The following TIFAB variants were observed in gnomAD, a reference collection of about 807,000 sequenced individuals.
TIFAB encodes TIFA inhibitor.
For synonymous variants in TIFAB, 116 were observed against 95.2 expected (o/e 1.22, Z -1.27); for missense variants, 222 against 203.6 (o/e 1.09, Z -0.55).
chr5:135,446,367 C>T lies in TIFAB; in HGVS notation c.*3087G>A, dbSNP rs761536447. 1.9e-6 allele frequency: 3 copies of T among 1,591,566 alleles called. No homozygotes were observed. The highest frequency in any genetic ancestry group is 1.3e-5 in the African/African-American group (1 of 74,478). On this transcript the variant is annotated 3_prime_UTR_variant, in exon 2 of 2. Transcript: ENST00000537858. ...GCATACTTGCGTGTGTGCACACGCA[C>T]ACATGTTCACTCAGGCACGTGGGCT...
In TIFAB at chr5:135,450,134, C is replaced by G. The variant is rs933765381; in HGVS notation, c.-10-185G>C. Among the ~76,000 whole-genome samples the G allele has an allele frequency of 2.6e-5, 4 of 152,240 alleles. No individual in the cohort carries two copies. In the South Asian group the frequency reaches 6.2e-4, roughly 24 times the overall value. ...GGTCATGAGCTTAGTCTCTCTCATA[C>G]TCTGAATAGAACATGCCACCCACTC... is the stretch of plus-strand genomic sequence containing the variant. On this transcript the variant is annotated intron_variant, in intron 1 of 1. Transcript: ENST00000537858.
Position 135,446,752 on chromosome 5 carries a change from C to T in TIFAB, c.*2702G>A. On this transcript the variant is annotated 3_prime_UTR_variant, in exon 2 of 2. Transcript: ENST00000537858. ...CTCCCTCCCGCCTGGTCTGGCCTGT[C>T]TTCCTTCTGCTGCTATGCAGTTCAT... 6.2e-7 allele frequency: 1 copy of T among 1,613,994 alleles called. No homozygotes were observed. The highest frequency in any genetic ancestry group is 8.5e-7 in the Non-Finnish European group (1 of 1,179,870).
Position 135,446,945 on chromosome 5 carries a change from G to C in TIFAB, c.*2509C>G. On this transcript the variant is annotated 3_prime_UTR_variant, in exon 2 of 2. Transcript: ENST00000537858. ...GAGGCCCTGGAGAGGGGCACTCAGG[G>C]GCAGCAGCTCATTCCCAAAGTTCTC... is the stretch of plus-strand genomic sequence containing the variant. 1 of 1,612,854 alleles carries C rather than the reference G, an allele frequency of 6.2e-7. No individual in the cohort carries two copies. The highest frequency in any genetic ancestry group is 8.5e-7 in the Non-Finnish European group (1 of 1,179,368).
At position 135,449,104 on chromosome 5, in the gene TIFAB, C is replaced by A; in HGVS notation, c.*350G>T. 1 of 270,438 alleles carries A rather than the reference C, an allele frequency of 3.7e-6. No homozygotes were observed. Among genetic ancestry groups the A allele is most frequent in the Admixed American group, 4.7e-5 (1 of 21,426 alleles). 16.8% of individuals were successfully genotyped at this position (270,438 alleles called of 1,614,324 possible). ...TGTGGAAATGCTGAGAGAGGCTCCC[C>A]AGAACCCCTCAGGGCCTCTAAAAGT... is the stretch of plus-strand genomic sequence containing the variant. On this transcript the variant is annotated 3_prime_UTR_variant, in exon 2 of 2. Transcript: ENST00000537858.
In TIFAB at chr5:135,448,914, C is replaced by T. The variant is rs138878169; in HGVS notation, c.*540G>A. ...ATTACACTCAGGCTTTCCTAAGCCC[C>T]GCGTGCCTGTGGGTATTTGAAAGCT... is the stretch of plus-strand genomic sequence containing the variant. On this transcript the variant is annotated 3_prime_UTR_variant, in exon 2 of 2. Coordinates refer to ENST00000537858, the MANE Select transcript of TIFAB (RefSeq NM_001099221.2). 8.7e-5 allele frequency: 14 copies of T among 160,996 alleles called. No homozygotes were observed. Among genetic ancestry groups the T allele is most frequent in the Middle Eastern group, 3.4e-3 (1 of 296 alleles). 10.0% of individuals were successfully genotyped at this position (160,996 alleles called of 1,614,324 possible).
At position 135,448,894 on chromosome 5, in the gene TIFAB, A is replaced by T. The variant is rs1769318054; in HGVS notation, c.*560T>A. The T allele has an allele frequency of 6.3e-6, 1 of 159,058 alleles. No homozygotes were observed. Among genetic ancestry groups the T allele is most frequent in the Non-Finnish European group, 1.4e-5 (1 of 71,430 alleles). 9.9% of individuals were successfully genotyped at this position (159,058 alleles called of 1,614,324 possible). ...TAATGAAATACTTGCAGTTTATTAC[A>T]CTCAGGCTTTCCTAAGCCCCGCGTG... is the stretch of plus-strand genomic sequence containing the variant. On this transcript the variant is annotated 3_prime_UTR_variant, in exon 2 of 2. Transcript: ENST00000537858.
rs536502469 is a variant in TIFAB, at chr5:135,446,660, T to C, written c.*2794A>G. The C allele has an allele frequency of 1.2e-6, 2 of 1,613,890 alleles. No individual in the cohort carries two copies. Among genetic ancestry groups the C allele is most frequent in the Non-Finnish European group, 8.5e-7 (1 of 1,179,848 alleles). ...AACTTGGTACAGGGCAAGGTGTGAGTTTCCCGGTGAGACTGTGTGAACTGT... is the reference window on the plus strand; with the variant it reads ...AACTTGGTACAGGGCAAGGTGTGAGCTTCCCGGTGAGACTGTGTGAACTGT... On this transcript the variant is annotated 3_prime_UTR_variant, in exon 2 of 2. Coordinates refer to ENST00000537858, the MANE Select transcript of TIFAB (RefSeq NM_001099221.2).
In TIFAB at chr5:135,449,969, A is replaced by G; in HGVS notation, c.-10-20T>C. The G allele has an allele frequency of 1.3e-6, 2 of 1,514,092 alleles. No homozygotes were observed. The highest frequency in any genetic ancestry group is 1.8e-6 in the Non-Finnish European group (2 of 1,131,424). The allele number at this position is 1,514,092 out of a possible 1,614,324, so 93.8% of individuals were successfully genotyped here. ...GAAGTCCTGGGAAGTTGGAACATGG[A>G]CACACAGGCTCAGCTTCAGTCAGAG... On this transcript the variant is annotated intron_variant, in intron 1 of 1. Transcript: ENST00000537858.
At position 135,444,548 on chromosome 5, in the gene TIFAB, C is replaced by T. The variant is rs750607216; in HGVS notation, c.*4906G>A. On this transcript the variant is annotated 3_prime_UTR_variant, in exon 2 of 2. Transcript: ENST00000537858. ...AAAACAGAGCAGAGCTGGAGAAGTT[C>T]GTACAGTAGATACAGTGGAAGACAG... 4 of 152,410 alleles carry T rather than the reference C, an allele frequency of 2.6e-5. No individual in the cohort carries two copies. Among genetic ancestry groups the T allele is most frequent in the African/African-American group, 9.6e-5 (4 of 41,472 alleles). 9.4% of individuals were successfully genotyped at this position (152,410 alleles called of 1,614,324 possible). A position where few individuals can be genotyped will look rare whatever the true frequency, so the allele number is the denominator to read the frequency against.
intron 1 of TIFAB, among the ~76,000 whole-genome samples, chr5:135,451,194 T>G (rs17168379): frequency 1.4e-5 from 2 of 144,334 alleles, no homozygotes; most frequent in African/African-American, 4.9e-5. Context: ...CACACACACA[T>G]GGTGAAATCA....
In TIFAB at chr5:135,446,130, A is replaced by T; in HGVS notation, c.*3324T>A. On this transcript the variant is annotated 3_prime_UTR_variant, in exon 2 of 2. Coordinates refer to ENST00000537858, the MANE Select transcript of TIFAB (RefSeq NM_001099221.2). ...GTGATGCCTCAAACTGACCTTCACA[A>T]TGACTCTAAGGAGGTAAGTACTGTG... The T allele has an allele frequency of 2.5e-6, 1 of 395,590 alleles. No homozygotes were observed. Among genetic ancestry groups the T allele is most frequent in the Non-Finnish European group, 4.5e-6 (1 of 222,942 alleles). The allele number at this position is 395,590 out of a possible 1,614,324, so 24.5% of individuals were successfully genotyped here.
Position 135,446,626 on chromosome 5 carries a change from T to C in TIFAB, c.*2828A>G. The C allele has an allele frequency of 1.2e-6, 2 of 1,614,056 alleles. No individual in the cohort carries two copies. The highest frequency in any genetic ancestry group is 2.2e-5 in the South Asian group (2 of 91,088). On this transcript the variant is annotated 3_prime_UTR_variant, in exon 2 of 2. Transcript: ENST00000537858. ...AAGTCTCGGATGGGCAGAGCTTAACTGCCTTAAAAACTTGGTACAGGGCAA... is the reference window on the plus strand; with the variant it reads ...AAGTCTCGGATGGGCAGAGCTTAACCGCCTTAAAAACTTGGTACAGGGCAA...
Position 135,447,280 on chromosome 5 carries a change from C to T in TIFAB, c.*2174G>A. 1 of 766,536 alleles carries T rather than the reference C, an allele frequency of 1.3e-6. No homozygotes were observed. Among genetic ancestry groups the T allele is most frequent in the Admixed American group, 2.8e-5 (1 of 35,972 alleles). 47.5% of individuals were successfully genotyped at this position (766,536 alleles called of 1,614,324 possible). A position where few individuals can be genotyped will look rare whatever the true frequency, so the allele number is the denominator to read the frequency against. ...ATTAAAATCCCCTCCCTGTTGCCTA[C>T]CAGGTCCGTGGCTACAACTAAATCC... On this transcript the variant is annotated 3_prime_UTR_variant, in exon 2 of 2. Coordinates refer to ENST00000537858, the MANE Select transcript of TIFAB (RefSeq NM_001099221.2).
Position 135,446,341 on chromosome 5 carries a change from T to G in TIFAB, c.*3113A>C. ...TATGTTCGTGTTTAGTGTATGTCTG[T>G]GCATACTTGCGTGTGTGCACACGCA... is the stretch of plus-strand genomic sequence containing the variant. On this transcript the variant is annotated 3_prime_UTR_variant, in exon 2 of 2. Coordinates refer to ENST00000537858, the MANE Select transcript of TIFAB (RefSeq NM_001099221.2). 1 of 1,563,770 alleles carries G rather than the reference T, an allele frequency of 6.4e-7. No individual in the cohort carries two copies. Among genetic ancestry groups the G allele is most frequent in the South Asian group, 1.2e-5 (1 of 81,908 alleles).
At position 135,447,048 on chromosome 5, in the gene TIFAB, G is replaced by A. The variant is rs777821975; in HGVS notation, c.*2406C>T. ...CCTCTCTCCAGTCTTTGGTGTCCAG[G>A]TACAGTCTCCAGGCCGTGGCTTCTC... On this transcript the variant is annotated 3_prime_UTR_variant, in exon 2 of 2. Transcript: ENST00000537858. 15 of 1,614,014 alleles carry A rather than the reference G, an allele frequency of 9.3e-6. No individual in the cohort carries two copies. Among genetic ancestry groups the A allele is most frequent in the Admixed American group, 3.3e-5 (2 of 60,028 alleles).
rs1304887237 is a variant in TIFAB, at chr5:135,446,939, C to T, written c.*2515G>A. ...CTCACTGAGGCCCTGGAGAGGGGCA[C>T]TCAGGGGCAGCAGCTCATTCCCAAA... On this transcript the variant is annotated 3_prime_UTR_variant, in exon 2 of 2. Transcript: ENST00000537858. The T allele has an allele frequency of 1.2e-6, 2 of 1,612,954 alleles. No homozygotes were observed. Among genetic ancestry groups the T allele is most frequent in the Non-Finnish European group, 1.7e-6 (2 of 1,179,408 alleles).
At position 135,449,914 on chromosome 5, in the gene TIFAB, C is replaced by A. The variant is rs546746451; in HGVS notation, c.26G>T (p.Arg9Leu). The A allele has an allele frequency of 1.3e-6, 2 of 1,526,696 alleles. No individual in the cohort carries two copies. Among genetic ancestry groups the A allele is most frequent in the Non-Finnish European group, 1.8e-6 (2 of 1,136,438 alleles). The allele number at this position is 1,526,696 out of a possible 1,614,324, so 94.6% of individuals were successfully genotyped here. Residue 9 changes from arginine to leucine, a missense_variant, in exon 2 of 2, where the codon CGA becomes CTA. Coordinates refer to ENST00000537858, the MANE Select transcript of TIFAB (RefSeq NM_001099221.2). MEKPLTVL[R>L]VSLYHPTLGP... ...CAGCGTGGGATGGTACAGGCTCACT[C>A]GCAGGACGGTGAGGGGCTTCTCCAT...
chr5:135,449,093 G>A lies in TIFAB; in HGVS notation c.*361C>T. 4.0e-6 allele frequency: 1 copy of A among 247,750 alleles called. No individual in the cohort carries two copies. The highest frequency in any genetic ancestry group is 7.9e-5 in the South Asian group (1 of 12,692). The allele number at this position is 247,750 out of a possible 1,614,324, so 15.3% of individuals were successfully genotyped here. A position where few individuals can be genotyped will look rare whatever the true frequency, so the allele number is the denominator to read the frequency against. Reference sequence around the variant, plus strand: ...AGGGAGAAATGTGTGGAAATGCTGAGAGAGGCTCCCCAGAACCCCTCAGGG... The same window carrying A: ...AGGGAGAAATGTGTGGAAATGCTGAAAGAGGCTCCCCAGAACCCCTCAGGG... On this transcript the variant is annotated 3_prime_UTR_variant, in exon 2 of 2. Transcript: ENST00000537858.
chr5:135,447,448 T>C lies in TIFAB; in HGVS notation c.*2006A>G, dbSNP rs925864296. On this transcript the variant is annotated 3_prime_UTR_variant, in exon 2 of 2. Coordinates refer to ENST00000537858, the MANE Select transcript of TIFAB (RefSeq NM_001099221.2). ...TAGTAGCTAACCCTTATTAAGTGTGTGCTGGGCACTGATTGAATGCTTTAC... is the reference window on the plus strand; with the variant it reads ...TAGTAGCTAACCCTTATTAAGTGTGCGCTGGGCACTGATTGAATGCTTTAC... 33 of 325,132 alleles carry C rather than the reference T, an allele frequency of 1.0e-4. No individual in the cohort carries two copies. The East Asian group carries it at 2.6e-3, about 26-fold the overall frequency. The allele number at this position is 325,132 out of a possible 1,614,324, so 20.1% of individuals were successfully genotyped here.
Sources: allele counts gnomAD v4.1 joint callset (sites outside exome capture counted in the v4.1 genomes callset), GRCh38; gene constraint gnomAD v4.1.1; transcripts MANE v1.5; gene names NCBI Gene and HGNC (gene_info 2026-07-23, HGNC 2026-07-21).